The following RBFA variants were observed in gnomAD, a reference collection of about 807,000 sequenced individuals.
RBFA encodes ribosome binding factor A, also known as putative ribosome-binding factor A, mitochondrial.
In RBFA, 16 loss-of-function variants were observed where a neutral mutation model predicts 27.9. The observed-to-expected ratio is 0.57, with a 90% CI of 0.39 to 0.87. RBFA has a LOEUF of 0.87. Among genes scored for constraint, RBFA ranks in the 40% least tolerant of loss-of-function variants. RBFA has a pLI of 0.00. For synonymous variants in RBFA, 181 were observed against 181.0 expected (o/e 1.00, Z 0.00); for missense variants, 456 against 432.1 (o/e 1.06, Z -0.49).
intron 6 of RBFA, among the ~76,000 whole-genome samples, chr18:80,044,974 C>G (rs2145149597): frequency 6.6e-6 from 1 of 152,366 alleles, no homozygotes; most frequent in Non-Finnish European, 1.5e-5. Flanking sequence ...TGTAGCAGGC[C>G]TGGCCTGACC....
At chr18:80,034,710 C>T in intron 1 of RBFA, 57 bp downstream of exon 1, 4 of 1,581,536 alleles carry the variant, frequency 2.5e-6, no homozygotes, top group East Asian at 2.4e-5. Flanking sequence ...GCGGTGTCCC[C>T]GGGTTGCGGT....
chr18:80,041,021 C>T (rs1459120205), intron 4 of RBFA, among the ~76,000 whole-genome samples: 1 of 152,210 alleles, frequency 6.6e-6, no homozygotes, highest in Non-Finnish European at 1.5e-5. Flanking sequence ...CCTCCCTTCT[C>T]ATCATGCCCC....
chr18:80,035,935 A>G (rs1462607984), intron 1 of RBFA: 3 of 151,822 alleles, frequency 2.0e-5, no homozygotes, highest in African/African-American at 4.8e-5. Context: ...ACACTTTCCT[A>G]CTTTCTGGCA....
chr18:80,044,290 C>T lies in RBFA; in HGVS notation c.650+5C>T, dbSNP rs73483553. The T allele has an allele frequency of 4.4e-4, 715 of 1,612,666 alleles. 1 individual carries two copies. In the African/African-American group the frequency reaches 8.2e-3, roughly 19 times the overall value. Reference sequence around the variant, plus strand: ...CTTTGTACAAAATGATTTCAGGTGACGCATGTGGACATATGTTTTGATTCC... The same window carrying T: ...CTTTGTACAAAATGATTTCAGGTGATGCATGTGGACATATGTTTTGATTCC... On this transcript the variant is annotated splice_donor_5th_base_variant and intron_variant, in intron 6 of 6. Coordinates refer to ENST00000306735, the MANE Select transcript of RBFA (RefSeq NM_024805.3).
chr18:80,040,192 A>T (rs2052007125), intron 4 of RBFA, among the ~76,000 whole-genome samples: 1 of 145,580 alleles, frequency 6.9e-6, no homozygotes, highest in Non-Finnish European at 1.5e-5. Context: ...TACTTTTCTC[A>T]TGGCTGTTAA....
chr18:80,042,008 G>A (rs56310188), intron 4 of RBFA, 127 bp from the exon 5 acceptor site: 145,906 of 466,244 alleles, frequency 0.31, 24,414 homozygotes, highest in Non-Finnish European at 0.36. Flanking sequence ...TTACAGGCGT[G>A]AGCCACCGCG....
Position 80,048,421 on chromosome 18 carries a change from T to C in RBFA, c.*2266T>C, listed in dbSNP as rs879663475. Reference sequence around the variant, plus strand: ...TGTCCTTTGCATACACACCTTTGCATGCATCTGATGTGCCCAGGCTGTGTT... The same window carrying C: ...TGTCCTTTGCATACACACCTTTGCACGCATCTGATGTGCCCAGGCTGTGTT... On this transcript the variant is annotated 3_prime_UTR_variant, in exon 7 of 7. Transcript: ENST00000306735. Among the ~76,000 whole-genome samples the C allele has an allele frequency of 2.0e-5, 3 of 152,210 alleles. No individual in the cohort carries two copies. Among genetic ancestry groups the C allele is most frequent in the Non-Finnish European group, 4.4e-5 (3 of 68,042 alleles).
In RBFA at chr18:80,045,826, A is replaced by G; in HGVS notation, c.703A>G (p.Ser235Gly). The part of the protein sequence containing the change: ...CGTTEPTTSS[S>G]LCGIDHEALN... ...CACCACAGAGCCGACCACAAGCTCC[A>G]GTCTGTGTGGGATCGATCATGAGGC... Residue 235 changes from serine (S) to glycine (G), a missense_variant, in exon 7 of 7, where the codon AGT becomes GGT. Transcript: ENST00000306735. 1 of 1,533,218 alleles carries G rather than the reference A, an allele frequency of 6.5e-7. No individual in the cohort carries two copies. Among genetic ancestry groups the G allele is most frequent in the Non-Finnish European group, 8.8e-7 (1 of 1,140,686 alleles). 95.0% of individuals were successfully genotyped at this position (1,533,218 alleles called of 1,614,324 possible).
At chr18:80,034,916 G>C (rs897913341) in intron 1 of RBFA, 3 of 427,106 alleles carry the variant, frequency 7.0e-6, no homozygotes, top group Non-Finnish European at 1.2e-5. Context: ...CAGAAGATTA[G>C]TTTCAGAAAA....
Position 80,034,495 on chromosome 18 carries a change from C to T in RBFA, c.-1C>T. The T allele has an allele frequency of 6.5e-7, 1 of 1,548,256 alleles. No homozygotes were observed. Among genetic ancestry groups the T allele is most frequent in the Middle Eastern group, 1.8e-4 (1 of 5,654 alleles). ...CTCGCTCCGGGTCCCGGCGCCGCGC[C>T]ATGTGGGCTGCGGCGGGCGGGCTGT... On this transcript the variant is annotated 5_prime_UTR_variant, in exon 1 of 7. Coordinates refer to ENST00000306735, the MANE Select transcript of RBFA (RefSeq NM_024805.3).
At chr18:80,034,747 A>G (rs2051964078) in intron 1 of RBFA, 94 bp downstream of exon 1, 2 of 1,532,518 alleles carry the variant, frequency 1.3e-6, no homozygotes, top group Non-Finnish European at 1.8e-6. Flanking sequence ...TCTTGCGCCC[A>G]TGCGGCCTAG....
At chr18:80,039,751 A>T (rs1036057908) in intron 4 of RBFA, among the ~76,000 whole-genome samples, 1 of 152,222 alleles carries the variant, frequency 6.6e-6, no homozygotes, top group African/African-American at 2.4e-5. Flanking sequence ...TAAAATCTGC[A>T]TAACTAGGTG....
intron 1 of RBFA, 58 bp from the exon 2 acceptor site, chr18:80,036,610 G>A: frequency 7.7e-7 from 1 of 1,296,354 alleles, no homozygotes; most frequent in East Asian, 2.3e-5. Flanking sequence ...TCTTAAATTA[G>A]CTTATGTAAC....
At position 80,044,912 on chromosome 18, in the gene RBFA, G is replaced by A. The variant is rs1208005909; in HGVS notation, c.650+627G>A. On this transcript the variant is annotated intron_variant, in intron 6 of 6. Transcript: ENST00000306735. Reference sequence around the variant, plus strand: ...CATCGCCTGGCACCTGCCAGAGTCGGGTTTAACCAGCCTGCCAGGTGCATC... The same window carrying A: ...CATCGCCTGGCACCTGCCAGAGTCGAGTTTAACCAGCCTGCCAGGTGCATC... Among the ~76,000 whole-genome samples, 4 of 152,244 alleles carry A rather than the reference G, an allele frequency of 2.6e-5. No individual in the cohort carries two copies. In the East Asian group the frequency reaches 7.7e-4, roughly 29 times the overall value.
rs2052065146 is a variant in RBFA, at chr18:80,047,629, T to C, written c.*1474T>C. On this transcript the variant is annotated 3_prime_UTR_variant, in exon 7 of 7. Coordinates refer to ENST00000306735, the MANE Select transcript of RBFA (RefSeq NM_024805.3). Reference sequence around the variant, plus strand: ...GGCCACTACCTCAGGCCAGTTAAACTAAGAAGAAAGAATTTAAGGCAATTT... The same window carrying C: ...GGCCACTACCTCAGGCCAGTTAAACCAAGAAGAAAGAATTTAAGGCAATTT... 6.6e-6 allele frequency among the ~76,000 whole-genome samples: 1 copy of C among 152,004 alleles called. No individual in the cohort carries two copies. The highest frequency in any genetic ancestry group is 6.6e-5 in the Admixed American group (1 of 15,252).
intron 1 of RBFA, chr18:80,035,560 A>G (rs955923805): frequency 5.9e-5 from 9 of 151,974 alleles, no homozygotes; most frequent in African/African-American, 2.2e-4. Context: ...TTCTCATCGC[A>G]CCGTATCCAG....
At chr18:80,042,960 G>C (rs2052026421) in intron 5 of RBFA, among the ~76,000 whole-genome samples, 1 of 151,932 alleles carries the variant, frequency 6.6e-6, no homozygotes, top group South Asian at 2.1e-4. Context: ...AACTCAACAC[G>C]GCCAGAGTTG....
rs754389913 is a variant in RBFA at position 80,045,920 on chromosome 18, G to A, written c.797G>A (p.Gly266Glu). ...DKGLGGLVWQ[G>E]QVAELTTQMK... ...GGGCTCGGGGGCCTGGTGTGGCAGGGGCAGGTGGCTGAGCTGACAACGCAG... is the reference window on the plus strand; with the variant it reads ...GGGCTCGGGGGCCTGGTGTGGCAGGAGCAGGTGGCTGAGCTGACAACGCAG... The change falls in exon 7 of 7, where the codon GGG becomes GAG. Residue 266 changes from glycine (G) to glutamate (E), a missense_variant. Transcript: ENST00000306735. 1.8e-5 allele frequency: 29 copies of A among 1,613,640 alleles called. No individual in the cohort carries two copies. Among genetic ancestry groups the A allele is most frequent in the Non-Finnish European group, 2.2e-5 (26 of 1,179,822 alleles).
At position 80,036,684 on chromosome 18, in the gene RBFA, G is replaced by C. The variant is rs2051981255; in HGVS notation, c.175G>C (p.Glu59Gln). ...TCCCCAAAGAAAAAAGGTTTGGTAT[G>C]AAAGTCCTTCCTTGGGTTCTCACTC... ...ASKTKKKVWY[E>Q]SPSLGSHSTY... The change falls in exon 2 of 7, where the codon GAA (glutamate) becomes CAA (glutamine). Residue 59 changes from glutamate (E) to glutamine (Q), a missense_variant. Coordinates refer to ENST00000306735, the MANE Select transcript of RBFA (RefSeq NM_024805.3). 3 of 1,612,634 alleles carry C rather than the reference G, an allele frequency of 1.9e-6. No individual in the cohort carries two copies. Among genetic ancestry groups the C allele is most frequent in the East Asian group, 2.2e-5 (1 of 44,868 alleles).
Sources: allele counts gnomAD v4.1 joint callset (sites outside exome capture counted in the v4.1 genomes callset), GRCh38; gene constraint gnomAD v4.1.1; transcripts MANE v1.5; gene names NCBI Gene and HGNC (gene_info 2026-07-23, HGNC 2026-07-21).